The following STON2 variants were observed in gnomAD, a reference collection of about 807,000 sequenced individuals.
STON2 encodes stonin-2.
STON2 carries 29 observed loss-of-function variants against 65.7 expected under a neutral mutation model. That is an observed-to-expected ratio of 0.44 (90% CI 0.33 to 0.60). The LOEUF (loss-of-function observed/expected upper bound fraction) is 0.60. Ranked by LOEUF, STON2 falls within the 20% of genes least tolerant of loss-of-function variation. STON2 has a pLI of 0.03. For synonymous variants in STON2, 404 were observed against 414.2 expected (o/e 0.98, Z 0.30); for missense variants, 1,054 against 1,118.1 (o/e 0.94, Z 0.82).
intron 2 of STON2, chr14:81,412,914 T>C (rs1901233569): frequency 4.5e-6 from 3 of 660,088 alleles, no homozygotes; most frequent in Non-Finnish European, 5.1e-6. Flanking sequence ...GGGCGATGCT[T>C]AGCACCTCCC....
chr14:81,310,031 G>C (rs1048096489), intron 5 of STON2, among the ~76,000 whole-genome samples: 4 of 152,086 alleles, frequency 2.6e-5, no homozygotes, highest in African/African-American at 7.2e-5. Flanking sequence ...AATACCCCAG[G>C]AATCAATTTC....
chr14:81,277,208 C>T lies in STON2; in HGVS notation c.2274G>A (p.Val758=). 6.2e-7 allele frequency: 1 copy of T among 1,614,228 alleles called. No individual in the cohort carries two copies. The highest frequency in any genetic ancestry group is 8.5e-7 in the Non-Finnish European group (1 of 1,180,046). Reference sequence around the variant, plus strand: ...ACATCCTCAGCCAGCTCTGCACCTCCACCTCTGCCCCATTGACACTTGTGG... The same window carrying T: ...ACATCCTCAGCCAGCTCTGCACCTCTACCTCTGCCCCATTGACACTTGTGG... The part of the protein sequence containing the change: ...RTATSVNGAE[V]EVQSWLRMST... The change falls in exon 6 of 8, where the codon GTG becomes GTA. Residue 758 remains valine, a synonymous_variant. Coordinates refer to ENST00000614646, the MANE Select transcript of STON2 (RefSeq NM_001394390.1).
chr14:81,371,253 A>G (rs1413517457), intron 3 of STON2, 68 bp from the exon 4 acceptor site: 68 of 1,444,862 alleles, frequency 4.7e-5, no homozygotes, highest in Non-Finnish European at 5.7e-5. Context: ...TTTAGTGCTT[A>G]TCTTACTTTG....
Position 81,265,781 on chromosome 14 carries a change from C to T in STON2, c.*2633G>A. On this transcript the variant is annotated 3_prime_UTR_variant, in exon 8 of 8. Coordinates refer to ENST00000614646, the MANE Select transcript of STON2 (RefSeq NM_001394390.1). Reference sequence around the variant, plus strand: ...TAAAAAAAACAAAAAAGTCCAGGTGCATGTACACAGGAAATGAGAATTTAC... The same window carrying T: ...TAAAAAAAACAAAAAAGTCCAGGTGTATGTACACAGGAAATGAGAATTTAC... 1 of 985,002 alleles carries T rather than the reference C, an allele frequency of 1.0e-6. No individual in the cohort carries two copies. Among genetic ancestry groups the T allele is most frequent in the Non-Finnish European group, 1.2e-6 (1 of 829,842 alleles). 61.0% of individuals were successfully genotyped at this position (985,002 alleles called of 1,614,324 possible).
In STON2 at chr14:81,265,254, GTATTAT is replaced by G. The variant is rs1894312381; in HGVS notation, c.*3154_*3159del. On this transcript the variant is annotated 3_prime_UTR_variant, in exon 8 of 8. Transcript: ENST00000614646. ...CACTCATTACGTCTAAAAATATATA[GTATTAT>G]TATCCCCAAACCCCTAAATGCTACC... The G allele has an allele frequency of 1.0e-6, 1 of 983,318 alleles. No individual in the cohort carries two copies. Among genetic ancestry groups the G allele is most frequent in the Non-Finnish European group, 1.2e-6 (1 of 828,250 alleles). 60.9% of individuals were successfully genotyped at this position (983,318 alleles called of 1,614,324 possible).
chr14:81,373,436 T>C (rs1320770941), intron 3 of STON2, among the ~76,000 whole-genome samples: 1 of 152,226 alleles, frequency 6.6e-6, no homozygotes, highest in Non-Finnish European at 1.5e-5. Flanking sequence ...TGCCATTTCC[T>C]ATAGTATGGT....
In STON2 at chr14:81,429,342, T is replaced by C. The variant is rs1167944355; in HGVS notation, c.-309-2130A>G. ...ATGACTTTCAACAAGTCATTTGACC[T>C]TTCCAGGTTAGACTGCAAGTGGAGT... On this transcript the variant is annotated intron_variant, in intron 1 of 8. Coordinates refer to the STON2 transcript ENST00000553821. Among the ~76,000 whole-genome samples the C allele has an allele frequency of 4.6e-5, 7 of 152,354 alleles. No individual in the cohort carries two copies. In the East Asian group the frequency reaches 1.4e-3, roughly 29 times the overall value.
chr14:81,297,017 T>C (rs904135624), intron 5 of STON2, among the ~76,000 whole-genome samples: 1 of 152,214 alleles, frequency 6.6e-6, no homozygotes, highest in Non-Finnish European at 1.5e-5. Flanking sequence ...GTATTTAATT[T>C]GGGGTTGGAT....
At chr14:81,298,197 T>C (rs1433823918) in intron 5 of STON2, among the ~76,000 whole-genome samples, 1 of 152,164 alleles carries the variant, frequency 6.6e-6, no homozygotes, top group Non-Finnish European at 1.5e-5. Context: ...ATGAAGCCTA[T>C]TCTAGATGCG....
chr14:81,300,577 T>C (rs1029985448), intron 5 of STON2, among the ~76,000 whole-genome samples: 2 of 152,140 alleles, frequency 1.3e-5, no homozygotes, highest in Non-Finnish European at 2.9e-5. Flanking sequence ...AATGGCTAGA[T>C]AGCACATGAA....
Position 81,347,647 on chromosome 14 carries a change from C to A in STON2, c.571+23341G>T, listed in dbSNP as rs1473395931. 5.3e-5 allele frequency among the ~76,000 whole-genome samples: 7 copies of A among 132,396 alleles called. No individual in the cohort carries two copies. The East Asian group carries it at 1.6e-3, about 30-fold the overall frequency. 86.9% of individuals were successfully genotyped at this position (132,396 alleles called of 152,430 possible). A position where few individuals can be genotyped will look rare whatever the true frequency, so the allele number is the denominator to read the frequency against. Reference sequence around the variant, plus strand: ...AAAAAAAAAAAAAAAACCCTACAGGCCAGTATCCCTGATGAACATAGATGC... The same window carrying A: ...AAAAAAAAAAAAAAAACCCTACAGGACAGTATCCCTGATGAACATAGATGC... On this transcript the variant is annotated intron_variant, in intron 4 of 7. Coordinates refer to ENST00000614646, the MANE Select transcript of STON2 (RefSeq NM_001394390.1).
At chr14:81,436,036 T>C (rs1450933142) in intron 1 of STON2, 1 of 152,188 alleles carries the variant, frequency 6.6e-6, no homozygotes, top group Non-Finnish European at 1.5e-5. Flanking sequence ...CGGCCAGAAG[T>C]GTCTGTGTAT....
At chr14:81,429,864 G>C (rs1013648826) in intron 1 of STON2, among the ~76,000 whole-genome samples, 1 of 152,002 alleles carries the variant, frequency 6.6e-6, no homozygotes, top group Non-Finnish European at 1.5e-5. Context: ...GAACCCGGGA[G>C]GCGGAGGTTG....
chr14:81,387,381 G>A (rs1290380540), intron 3 of STON2, among the ~76,000 whole-genome samples: 1 of 152,072 alleles, frequency 6.6e-6, no homozygotes, highest in East Asian at 1.9e-4. Flanking sequence ...ATCTTCTAAA[G>A]AGCTCACTTA....
At chr14:81,297,727 A>C (rs1007965693) in intron 5 of STON2, among the ~76,000 whole-genome samples, 1 of 152,218 alleles carries the variant, frequency 6.6e-6, no homozygotes, top group African/African-American at 2.4e-5. Context: ...AACTTTAATA[A>C]TCAATAGAAA....
intron 4 of STON2, among the ~76,000 whole-genome samples, chr14:81,344,098 A>G (rs1272466721): frequency 6.6e-6 from 1 of 152,170 alleles, no homozygotes; most frequent in Non-Finnish European, 1.5e-5. Context: ...CCCAAAGCAA[A>G]CAAGCCAGCC....
intron 4 of STON2, among the ~76,000 whole-genome samples, chr14:81,370,570 A>G (rs1026987972): frequency 1.3e-5 from 2 of 152,228 alleles, no homozygotes; most frequent in African/African-American, 4.8e-5. Context: ...TCTGTTTTAT[A>G]TAACATTCGT....
intron 5 of STON2, among the ~76,000 whole-genome samples, chr14:81,322,919 A>T (rs1896872578): frequency 1.3e-5 from 2 of 152,236 alleles, no homozygotes; most frequent in South Asian, 4.1e-4. Context: ...CTGCATATTC[A>T]GAGTCATCTG....
chr14:81,368,948 C>A (rs932255530), intron 4 of STON2, among the ~76,000 whole-genome samples: 5 of 152,174 alleles, frequency 3.3e-5, no homozygotes, highest in African/African-American at 9.6e-5. Context: ...CTCAGATCCA[C>A]TCTATCTGCT....
Sources: allele counts gnomAD v4.1 joint callset (sites outside exome capture counted in the v4.1 genomes callset), GRCh38; gene constraint gnomAD v4.1.1; transcripts MANE v1.5; gene names NCBI Gene and HGNC (gene_info 2026-07-23, HGNC 2026-07-21).